Variants in ESF1 observed in about 807,000 individuals in gnomAD.
ESF1 encodes the protein ESF1 nucleolar pre-rRNA processing protein.
ESF1 carries 58 observed loss-of-function variants against 92.0 expected under a neutral mutation model. That is an observed-to-expected ratio of 0.63 (90% CI 0.51 to 0.78). The LOEUF (loss-of-function observed/expected upper bound fraction) is 0.78, where lower values mean the gene tolerates loss of function less well. Among genes scored for constraint, ESF1 ranks in the 30% least tolerant of loss-of-function variants. The probability of loss-of-function intolerance (pLI) is 0.00; values close to 1 mark genes in which losing one functional copy is unlikely to be tolerated. For synonymous variants in ESF1, 321 were observed against 313.7 expected (o/e 1.02, Z -0.24); for missense variants, 922 against 989.1 (o/e 0.93, Z 0.91).
chr20:13,781,610 G>C (rs1980192642), intron 2 of ESF1, among the ~76,000 whole-genome samples: 1 of 152,120 alleles, frequency 6.6e-6, no homozygotes, highest in Non-Finnish European at 1.5e-5. Flanking sequence ...GTCTGCTCAG[G>C]GGCAAAAAAT....
intron 9 of ESF1, among the ~76,000 whole-genome samples, chr20:13,748,592 A>ATTTTT (rs58809594): frequency 8.4e-5 from 8 of 95,738 alleles, no homozygotes; most frequent in African/African-American, 4.5e-4. Context: ...ATATATATAT[A>ATTTTT]TTTTTTTTTT....
intron 2 of ESF1, among the ~76,000 whole-genome samples, chr20:13,781,033 C>G (rs1980161708): frequency 6.6e-6 from 1 of 152,194 alleles, no homozygotes; most frequent in African/African-American, 2.4e-5. Flanking sequence ...TTTTTCCACA[C>G]CCCAAAGTAG....
intron 8 of ESF1, among the ~76,000 whole-genome samples, chr20:13,761,311 TC>T (rs1236402278): frequency 2.0e-5 from 3 of 150,542 alleles, no homozygotes; most frequent in Non-Finnish European, 4.4e-5. Flanking sequence ...CTGCTGACCT[TC>T]CCTCCACTAT....
At chr20:13,768,295 G>A (rs1433644149) in intron 7 of ESF1, among the ~76,000 whole-genome samples, 1 of 152,132 alleles carries the variant, frequency 6.6e-6, no homozygotes, top group African/African-American at 2.4e-5. Context: ...CTACTGCAGA[G>A]TACAGCTGTG....
intron 9 of ESF1, among the ~76,000 whole-genome samples, chr20:13,758,407 T>C (rs1568722221): frequency 6.6e-6 from 1 of 152,190 alleles, no homozygotes. Context: ...AACAAATGGG[T>C]TGCAACACAG....
At chr20:13,721,212 C>A (rs1568708174) in intron 11 of ESF1, among the ~76,000 whole-genome samples, 1 of 152,162 alleles carries the variant, frequency 6.6e-6, no homozygotes, top group Non-Finnish European at 1.5e-5. Flanking sequence ...AATATTAACA[C>A]AGAGCAAAGA....
intron 11 of ESF1, among the ~76,000 whole-genome samples, chr20:13,728,153 T>A (rs1334301848): frequency 6.6e-6 from 1 of 152,184 alleles, no homozygotes; most frequent in East Asian, 1.9e-4. Context: ...AACCACATTA[T>A]CAAAAGTCTC....
intron 9 of ESF1, among the ~76,000 whole-genome samples, chr20:13,746,325 G>A (rs1415422350): frequency 6.6e-6 from 1 of 152,026 alleles, no homozygotes; most frequent in African/African-American, 2.4e-5. Context: ...TACACACATA[G>A]TATTTCTTTA....
chr20:13,764,729 G>T (rs1022537558), intron 8 of ESF1, among the ~76,000 whole-genome samples: 4 of 152,018 alleles, frequency 2.6e-5, no homozygotes, highest in African/African-American at 9.7e-5. Context: ...CACTGTAAAG[G>T]TCTCCATCCT....
At chr20:13,783,833 A>T (rs76270923) in intron 1 of ESF1, among the ~76,000 whole-genome samples, 1,735 of 152,198 alleles carry the variant, frequency 0.011, 30 homozygotes, top group African/African-American at 0.04. Flanking sequence ...AGTAAGAAAG[A>T]AAGATTCCCT....
At chr20:13,749,869 G>T (rs1600280531) in intron 9 of ESF1, among the ~76,000 whole-genome samples, 1 of 151,994 alleles carries the variant, frequency 6.6e-6, no homozygotes, top group Non-Finnish European at 1.5e-5. Context: ...GCCCGGCCGG[G>T]TATATCTTTT....
rs187092003 is a variant in ESF1 at position 13,771,859 on chromosome 20, A to G, written c.1251-376T>C. ...AGCTAAAAGACATTCCTGATCTTGC[A>G]AAATGTTTGCTTAAGAGTCTATAAG... On this transcript the variant is annotated intron_variant, in intron 5 of 13. Transcript: ENST00000617257. 5.0e-3 allele frequency among the ~76,000 whole-genome samples: 758 copies of G among 152,034 alleles called. 5 individuals carry two copies. The highest frequency in any genetic ancestry group is 0.017 in the African/African-American group (709 of 41,524).
intron 6 of ESF1, among the ~76,000 whole-genome samples, chr20:13,770,535 A>G (rs892144300): frequency 9.2e-5 from 14 of 152,148 alleles, no homozygotes; most frequent in African/African-American, 3.1e-4. Flanking sequence ...TTTTGTAGAG[A>G]CAGGGTCTCA....
Position 13,782,640 on chromosome 20 carries a change from T to C in ESF1, c.501A>G (p.Lys167=). ...DSKEFTQKNK[K]EKKNIVQHTT... is the part of the protein sequence containing the mutation. Reference sequence around the variant, plus strand: ...TATGTTGAACAATGTTTTTTTTCTCTTTCTTATTTTTTTGTGTAAATTCTT... The same window carrying C: ...TATGTTGAACAATGTTTTTTTTCTCCTTCTTATTTTTTTGTGTAAATTCTT... The change falls in exon 2 of 14, where the codon AAA becomes AAG. Residue 167 remains lysine, a synonymous_variant. Coordinates refer to ENST00000617257, the MANE Select transcript of ESF1 (RefSeq NM_001276380.2). 6.2e-7 allele frequency: 1 copy of C among 1,607,112 alleles called. No homozygotes were observed. The highest frequency in any genetic ancestry group is 1.1e-5 in the South Asian group (1 of 88,428).
Position 13,714,798 on chromosome 20 carries a change from C to A in ESF1, c.*76G>T. ...TGTTCTTGAAAGATAGCTTTGTTCC[C>A]AATAAATATTCCCTCCTATTATTTT... On this transcript the variant is annotated 3_prime_UTR_variant, in exon 14 of 14. Transcript: ENST00000617257. 1 of 1,214,570 alleles carries A rather than the reference C, an allele frequency of 8.2e-7. No individual in the cohort carries two copies. The highest frequency in any genetic ancestry group is 1.1e-6 in the Non-Finnish European group (1 of 886,538). The allele number at this position is 1,214,570 out of a possible 1,614,324, so 75.2% of individuals were successfully genotyped here. A position where few individuals can be genotyped will look rare whatever the true frequency, so the allele number is the denominator to read the frequency against.
intron 9 of ESF1, among the ~76,000 whole-genome samples, chr20:13,738,793 G>A (rs2049992611): frequency 1.3e-5 from 2 of 152,166 alleles, no homozygotes; most frequent in Admixed American, 6.5e-5. Flanking sequence ...AACTCTAGCG[G>A]CCAGTGAAAG....
intron 9 of ESF1, among the ~76,000 whole-genome samples, chr20:13,748,574 GTA>G (rs1433666503): frequency 3.5e-5 from 1 of 28,924 alleles, no homozygotes; most frequent in Non-Finnish European, 6.4e-5. Flanking sequence ...ATGTGTGTGT[GTA>G]TATATATATA....
chr20:13,755,875 T>C (rs1377035232), intron 9 of ESF1, among the ~76,000 whole-genome samples: 1 of 152,192 alleles, frequency 6.6e-6, no homozygotes, highest in African/African-American at 2.4e-5. Context: ...AAACTAGAAT[T>C]TCTTCTGAAA....
chr20:13,767,992 T>C (rs1436944926), intron 7 of ESF1, among the ~76,000 whole-genome samples: 3 of 152,336 alleles, frequency 2.0e-5, no homozygotes, highest in Admixed American at 2.0e-4. Flanking sequence ...AGGACAGATG[T>C]TGATGATACA....
Sources: gnomAD v4.1 joint callset for allele counts (sites outside exome capture counted in the v4.1 genomes callset) on GRCh38, gnomAD v4.1.1 for gene constraint, MANE v1.5 for transcripts, NCBI Gene and HGNC (gene_info 2026-07-23, HGNC 2026-07-21) for gene names.